PRKCQ: variants seen among roughly 807,000 people sequenced by gnomAD.
PRKCQ encodes the protein protein kinase C theta, also known as protein kinase C theta type.
A neutral mutation model predicts 91.2 loss-of-function variants in PRKCQ; 41 were observed. That is an observed-to-expected ratio of 0.45 (90% CI 0.35 to 0.58). PRKCQ has a LOEUF of 0.58. PRKCQ is among the 20% of genes least tolerant of loss of function. The probability of loss-of-function intolerance (pLI) is 0.00; values close to 1 mark genes in which losing one functional copy is unlikely to be tolerated. For synonymous variants in PRKCQ, 307 were observed against 316.9 expected, an observed-to-expected ratio of 0.97 and a Z score of 0.33; for missense variants, 673 against 896.5, an observed-to-expected ratio of 0.75 and a Z score of 3.18.
At chr10:6,558,973 T>C (rs1307484919) in intron 1 of PRKCQ, among the ~76,000 whole-genome samples, 1 of 152,222 alleles carries the variant, frequency 6.6e-6, no homozygotes, top group Non-Finnish European at 1.5e-5. Flanking sequence ...TGACATGTGC[T>C]GCCGTTAAAA....
chr10:6,420,058 G>A, the PRKCQ span, among the ~76,000 whole-genome samples: 4 of 151,978 alleles, frequency 2.6e-5, no homozygotes, highest in African/African-American at 4.8e-5. Flanking sequence ...GTGCGATCTC[G>A]GCTCACTGCA....
chr10:6,472,116 G>A (rs983765285), intron 12 of PRKCQ, among the ~76,000 whole-genome samples: 1 of 152,184 alleles, frequency 6.6e-6, no homozygotes, highest in Non-Finnish European at 1.5e-5. Context: ...AGACTATCCT[G>A]GCTAACACGG....
At chr10:6,449,383 A>G (rs1173184996) in intron 15 of PRKCQ, among the ~76,000 whole-genome samples, 1 of 152,172 alleles carries the variant, frequency 6.6e-6, no homozygotes, top group Non-Finnish European at 1.5e-5. Context: ...AGTTTAGAGA[A>G]AAAAGAATAA....
intron 1 of PRKCQ, among the ~76,000 whole-genome samples, chr10:6,535,289 G>A (rs1839539139): frequency 1.3e-5 from 2 of 152,038 alleles, no homozygotes; most frequent in African/African-American, 4.8e-5. Context: ...AAGTATTGTG[G>A]GTATCTAAGC....
At chr10:6,461,175 ATCAT>A (rs1338851437) in intron 14 of PRKCQ, among the ~76,000 whole-genome samples, 7 of 150,934 alleles carry the variant, frequency 4.6e-5, no homozygotes, top group African/African-American at 1.7e-4. Context: ...TCATCCATTC[ATCAT>A]TCATCCATCA....
chr10:6,408,216 A>C, the PRKCQ span, among the ~76,000 whole-genome samples: 2 of 152,046 alleles, frequency 1.3e-5, no homozygotes, highest in African/African-American at 4.8e-5. Flanking sequence ...GGAATTGCTC[A>C]GTTTAGATTT....
intron 1 of PRKCQ, among the ~76,000 whole-genome samples, chr10:6,529,886 C>T (rs962491789): frequency 1.3e-5 from 2 of 152,146 alleles, no homozygotes; most frequent in Non-Finnish European, 2.9e-5. Flanking sequence ...AAGATGGCTA[C>T]GATGATCACA....
chr10:6,479,103 A>C lies in PRKCQ; in HGVS notation c.1242T>G (p.Asp414Glu), dbSNP rs762935560. 1.2e-6 allele frequency: 2 copies of C among 1,614,070 alleles called. No individual in the cohort carries two copies. Among genetic ancestry groups the C allele is most frequent in the Admixed American group, 3.3e-5 (2 of 59,988 alleles). ...QFFAIKALKK[D>E]VVLMDDDVEC... ...CAACATCATCGTCCATCAAGACCACATCTTTCTTTAAGGCCTTTATTGCGA... is the reference window on the plus strand; with the variant it reads ...CAACATCATCGTCCATCAAGACCACCTCTTTCTTTAAGGCCTTTATTGCGA... Residue 414 changes from aspartate (D) to glutamate (E), a missense_variant, in exon 12 of 18, where the codon GAT (aspartate) becomes GAG (glutamate). Coordinates refer to ENST00000263125, the MANE Select transcript of PRKCQ (RefSeq NM_006257.5).
rs7076373 is a variant in PRKCQ, at chr10:6,549,921, C to T, written c.-10+30290G>A. ...TGCTGGGATTACAGGCGTGAGCCAC[C>T]GCGCCCGGCTGAAATTCACCATCTT... On this transcript the variant is annotated intron_variant, in intron 1 of 17. Transcript: ENST00000263125. Among the ~76,000 whole-genome samples the T allele has an allele frequency of 4.2e-3, 636 of 152,044 alleles. 1 individual carries two copies. The highest frequency in any genetic ancestry group is 0.014 in the African/African-American group (590 of 41,474).
chr10:6,565,108 T>C (rs1050870767), intron 1 of PRKCQ, among the ~76,000 whole-genome samples: 4 of 152,384 alleles, frequency 2.6e-5, no homozygotes, highest in Admixed American at 6.5e-5. Context: ...CAAGCAAATA[T>C]ACGTTTCACT....
intron 15 of PRKCQ, among the ~76,000 whole-genome samples, chr10:6,447,461 T>C (rs984497430): frequency 3.9e-5 from 6 of 152,082 alleles, no homozygotes; most frequent in African/African-American, 1.4e-4. Context: ...TCCTATTCTT[T>C]GTCAAAATGA....
intron 9 of PRKCQ, 101 bp from the exon 10 acceptor site, chr10:6,485,370 T>C (rs1836848084): frequency 7.9e-6 from 7 of 888,946 alleles, no homozygotes; most frequent in Non-Finnish European, 1.3e-5. Context: ...AATGTTTAAA[T>C]GCATAGGGTC....
At chr10:6,535,142 C>A (rs1217818472) in intron 1 of PRKCQ, among the ~76,000 whole-genome samples, 1 of 152,152 alleles carries the variant, frequency 6.6e-6, no homozygotes, top group Non-Finnish European at 1.5e-5. Context: ...TAGTTTCTTT[C>A]CACTACAAGA....
At chr10:6,436,533 G>T (rs928353163) in intron 16 of PRKCQ, among the ~76,000 whole-genome samples, 1 of 152,156 alleles carries the variant, frequency 6.6e-6, no homozygotes, top group Non-Finnish European at 1.5e-5. Context: ...TAACTGCAAA[G>T]ATCTACCTGT....
At chr10:6,493,340 T>C (rs1475679862) in intron 7 of PRKCQ, among the ~76,000 whole-genome samples, 1 of 152,240 alleles carries the variant, frequency 6.6e-6, no homozygotes, top group Non-Finnish European at 1.5e-5. Context: ...TTTGAACAGA[T>C]TGGATTAAAT....
chr10:6,462,218 T>C, intron 14 of PRKCQ, 85 bp downstream of exon 14: 1 of 1,254,858 alleles, frequency 8.0e-7, no homozygotes. Context: ...ACATGGGCTG[T>C]CTCACAGCAC....
chr10:6,444,477 T>A (rs1043612955), intron 15 of PRKCQ, among the ~76,000 whole-genome samples: 1 of 152,214 alleles, frequency 6.6e-6, no homozygotes, highest in Non-Finnish European at 1.5e-5. Flanking sequence ...ATAAAATTTT[T>A]TTTAATGGAA....
chr10:6,443,414 T>A (rs1326989445), intron 15 of PRKCQ, among the ~76,000 whole-genome samples: 1 of 152,192 alleles, frequency 6.6e-6, no homozygotes, highest in Non-Finnish European at 1.5e-5. Flanking sequence ...GGACTCTAAG[T>A]GTCCATCAGT....
the PRKCQ span, among the ~76,000 whole-genome samples, chr10:6,415,255 G>A: frequency 1.5e-4 from 22 of 151,520 alleles, no homozygotes; most frequent in Non-Finnish European, 2.2e-4. Flanking sequence ...GAGCCACTGC[G>A]CCTGGCCTGA....
Sources: allele counts gnomAD v4.1 joint callset (sites outside exome capture counted in the v4.1 genomes callset), GRCh38; gene constraint gnomAD v4.1.1; transcripts MANE v1.5; gene names NCBI Gene and HGNC (gene_info 2026-07-23, HGNC 2026-07-21).